EPB41L3: variants seen among roughly 807,000 people sequenced by gnomAD.
EPB41L3 encodes erythrocyte membrane protein band 4.1 like 3.
In EPB41L3, 57 loss-of-function variants were observed where a neutral mutation model predicts 127.1. The observed-to-expected ratio is 0.45, with a 90% CI of 0.36 to 0.56. The LOEUF is 0.56. EPB41L3 is among the 20% of genes least tolerant of loss of function. The pLI, the probability that EPB41L3 is intolerant of heterozygous loss-of-function variation, is 0.00. For missense variants in EPB41L3, 1,273 were observed against 1,372.2 expected, an observed-to-expected ratio of 0.93 and a Z score of 1.14; for synonymous variants, 572 against 549.5, an observed-to-expected ratio of 1.04 and a Z score of -0.57.
intron 3 of EPB41L3, among the ~76,000 whole-genome samples, chr18:5,608,601 G>A (rs1048871831): frequency 1.3e-5 from 2 of 152,206 alleles, no homozygotes; most frequent in African/African-American, 4.8e-5. Flanking sequence ...GTCCCAGACA[G>A]ATGGAAAATT....
chr18:5,611,245 G>A (rs937943247), intron 3 of EPB41L3, among the ~76,000 whole-genome samples: 2 of 152,218 alleles, frequency 1.3e-5, no homozygotes, highest in African/African-American at 4.8e-5. Context: ...GAAACTACAC[G>A]TGTCCATTGA....
intron 12 of EPB41L3, 131 bp from the exon 13 acceptor site, chr18:5,416,509 G>C: frequency 1.1e-6 from 1 of 922,988 alleles, no homozygotes; most frequent in Non-Finnish European, 1.6e-6. Context: ...TTTAGCACTA[G>C]GGTTGCTCAT....
chr18:5,499,125 G>A (rs2091486398), intron 1 of EPB41L3, among the ~76,000 whole-genome samples: 1 of 152,164 alleles, frequency 6.6e-6, no homozygotes, highest in Non-Finnish European at 1.5e-5. Flanking sequence ...AGGTGGGGAT[G>A]TTAGTTAGTC....
chr18:5,481,967 A>G (rs1186252453), intron 2 of EPB41L3, among the ~76,000 whole-genome samples: 4 of 152,196 alleles, frequency 2.6e-5, no homozygotes, highest in Non-Finnish European at 4.4e-5. Flanking sequence ...TAATCCTTCT[A>G]TACAAAGACA....
intron 12 of EPB41L3, among the ~76,000 whole-genome samples, chr18:5,416,857 A>G (rs1171604245): frequency 6.6e-6 from 1 of 152,204 alleles, no homozygotes. Flanking sequence ...TGATTAAAAA[A>G]AAAAAACCAA....
intron 1 of EPB41L3, among the ~76,000 whole-genome samples, chr18:5,509,173 A>T (rs1424002147): frequency 6.6e-6 from 1 of 152,218 alleles, no homozygotes; most frequent in Admixed American, 6.5e-5. Context: ...TCCTTTCAGG[A>T]TTTCTGAGAA....
intron 6 of EPB41L3, among the ~76,000 whole-genome samples, chr18:5,435,030 T>A (rs2079556711): frequency 6.6e-6 from 1 of 152,162 alleles, no homozygotes; most frequent in South Asian, 2.1e-4. Flanking sequence ...ATATATGTGT[T>A]TATGTCTTAA....
chr18:5,630,489 C>A (rs770010665), upstream of EPB41L3: 3 of 518,630 alleles, frequency 5.8e-6, no homozygotes, highest in South Asian at 1.4e-5. Flanking sequence ...GGTAGGGCTG[C>A]TCACAGGTCC....
chr18:5,607,445 A>G (rs1025782370), intron 3 of EPB41L3, among the ~76,000 whole-genome samples: 3 of 152,144 alleles, frequency 2.0e-5, no homozygotes, highest in Admixed American at 1.3e-4. Flanking sequence ...TGACCAAGAT[A>G]ATTCTCTGCT....
chr18:5,564,076 G>T (rs2094168014), intron 3 of EPB41L3, among the ~76,000 whole-genome samples: 1 of 152,124 alleles, frequency 6.6e-6, no homozygotes, highest in Non-Finnish European at 1.5e-5. Context: ...ACAAAAAGAA[G>T]GGCTCAGAAG....
chr18:5,588,524 T>C (rs189523606), intron 3 of EPB41L3, among the ~76,000 whole-genome samples: 9 of 131,630 alleles, frequency 6.8e-5, no homozygotes, highest in Non-Finnish European at 1.1e-4. Flanking sequence ...ATTATGTGTA[T>C]GTAAATATGT....
At chr18:5,549,913 C>T (rs530339797) in intron 3 of EPB41L3, among the ~76,000 whole-genome samples, 6 of 152,336 alleles carry the variant, frequency 3.9e-5, no homozygotes, top group South Asian at 2.1e-4. Context: ...CTACACTACA[C>T]GATTCACAGT....
intron 3 of EPB41L3, among the ~76,000 whole-genome samples, chr18:5,555,702 G>A (rs1486439232): frequency 2.6e-5 from 4 of 152,060 alleles, no homozygotes; most frequent in Admixed American, 2.0e-4. Context: ...TCCTGAAATA[G>A]TCTCTTCTCA....
At chr18:5,523,284 C>T (rs1331247401) in intron 1 of EPB41L3, among the ~76,000 whole-genome samples, 1 of 152,122 alleles carries the variant, frequency 6.6e-6, no homozygotes, top group Non-Finnish European at 1.5e-5. Flanking sequence ...CAAGAGTGGG[C>T]CCCTTCCAAT....
intron 3 of EPB41L3, among the ~76,000 whole-genome samples, chr18:5,462,102 G>C (rs890309445): frequency 6.6e-6 from 1 of 152,144 alleles, no homozygotes; most frequent in Non-Finnish European, 1.5e-5. Flanking sequence ...ACATTTAAGA[G>C]AACTTTCTGA....
chr18:5,599,353 G>T (rs201820701), intron 3 of EPB41L3, among the ~76,000 whole-genome samples: 2 of 152,130 alleles, frequency 1.3e-5, no homozygotes. Context: ...TTAAGGAAAC[G>T]TCTCAATTCT....
intron 9 of EPB41L3, among the ~76,000 whole-genome samples, chr18:5,425,245 C>A (rs2078013536): frequency 6.6e-6 from 1 of 152,170 alleles, no homozygotes; most frequent in Admixed American, 6.5e-5. Flanking sequence ...ATGTGAGATA[C>A]AATCATGTTT....
At chr18:5,527,106 C>T (rs1357398767) in intron 1 of EPB41L3, among the ~76,000 whole-genome samples, 2 of 151,122 alleles carry the variant, frequency 1.3e-5, no homozygotes, top group Admixed American at 6.6e-5. Context: ...GTATTAACAA[C>T]GTGGAAGTGT....
chr18:5,600,244 C>A (rs2094576581), intron 3 of EPB41L3, among the ~76,000 whole-genome samples: 1 of 152,148 alleles, frequency 6.6e-6, no homozygotes, highest in Admixed American at 6.6e-5. Flanking sequence ...ATTTAAGATT[C>A]TTCTCTTGTC....
Sources: allele counts gnomAD v4.1 joint callset (sites outside exome capture counted in the v4.1 genomes callset), GRCh38; gene constraint gnomAD v4.1.1; transcripts MANE v1.5; gene names NCBI Gene and HGNC (gene_info 2026-07-23, HGNC 2026-07-21).